Variants in MCTP1 observed in about 807,000 individuals in gnomAD.
MCTP1 encodes multiple C2 and transmembrane domain-containing protein 1.
A neutral mutation model predicts 120.6 loss-of-function variants in MCTP1; 69 were observed. That is an observed-to-expected ratio of 0.57 (90% confidence interval 0.47 to 0.70). The LOEUF (loss-of-function observed/expected upper bound fraction) is 0.70. Ranked by LOEUF, MCTP1 falls within the 30% of genes least tolerant of loss-of-function variation. MCTP1 has a pLI of 0.00. For missense variants in MCTP1, 1,203 were observed against 1,248.8 expected (o/e 0.96, Z 0.55); for synonymous variants, 529 against 493.1 (o/e 1.07, Z -0.96).
Position 95,096,260 on chromosome 5 carries a change from A to T in MCTP1, c.721-78776T>A, listed in dbSNP as rs528766480. Among the ~76,000 whole-genome samples the T allele has an allele frequency of 5.9e-5, 9 of 152,352 alleles. No individual in the cohort carries two copies. In the East Asian group the frequency reaches 1.5e-3, roughly 26 times the overall value. On this transcript the variant is annotated intron_variant, in intron 1 of 22. Transcript: ENST00000515393. The stretch of plus-strand genomic sequence containing the variant: ...GCATTTCAACAGCCTCCTTAAGAGG[A>T]TATTAATGACCCCATTATATTTGGT...
At chr5:94,923,448 T>A (rs1427286155) in intron 7 of MCTP1, among the ~76,000 whole-genome samples, 2 of 152,222 alleles carry the variant, frequency 1.3e-5, no homozygotes, top group African/African-American at 4.8e-5. Context: ...CTGTGAATCA[T>A]CATTTTGTCT....
rs561807810 is a variant in MCTP1, at chr5:95,137,542, A to G, written c.721-120058T>C. 2.0e-5 allele frequency among the ~76,000 whole-genome samples: 3 copies of G among 152,346 alleles called. No homozygotes were observed. The South Asian group carries it at 6.2e-4, about 32-fold the overall frequency. ...ATTTTGCCTCTCTTAAAGAGTTGAC[A>G]TCCTCTTATTTGCATGGACATTGAA... is the stretch of plus-strand genomic sequence containing the variant. On this transcript the variant is annotated intron_variant, in intron 1 of 22. Transcript: ENST00000515393.
At chr5:95,175,552 C>T (rs1747864494) in intron 1 of MCTP1, among the ~76,000 whole-genome samples, 1 of 152,174 alleles carries the variant, frequency 6.6e-6, no homozygotes, top group African/African-American at 2.4e-5. Context: ...GTAAATTCTC[C>T]TCCTACCACA....
intron 1 of MCTP1, among the ~76,000 whole-genome samples, chr5:95,138,641 C>T (rs1247803929): frequency 6.6e-6 from 1 of 152,210 alleles, no homozygotes; most frequent in East Asian, 1.9e-4. Context: ...ATGACCCCCT[C>T]ACAGAGACCA....
chr5:94,779,194 G>A, intron 18 of MCTP1, 31 bp from the exon 19 acceptor site: 1 of 1,590,932 alleles, frequency 6.3e-7, no homozygotes, highest in East Asian at 2.2e-5. Context: ...CGTTTTTTGT[G>A]CTCTTAAAGG....
intron 1 of MCTP1, chr5:95,068,857 G>T (rs920295413): frequency 8.2e-7 from 1 of 1,224,092 alleles, no homozygotes; most frequent in Non-Finnish European, 1.1e-6. Context: ...AAAATTTTAC[G>T]TAATATTGTA....
intron 1 of MCTP1, among the ~76,000 whole-genome samples, chr5:95,226,611 A>C (rs1754307976): frequency 6.6e-6 from 1 of 151,982 alleles, no homozygotes; most frequent in African/African-American, 2.4e-5. Flanking sequence ...TTAACTTGCC[A>C]ACTATGGAGG....
chr5:94,767,918 T>G (rs959009739), intron 19 of MCTP1, among the ~76,000 whole-genome samples: 1 of 152,158 alleles, frequency 6.6e-6, no homozygotes, highest in Admixed American at 6.6e-5. Flanking sequence ...AAAATTTGTA[T>G]GGAACTATAA....
intron 17 of MCTP1, among the ~76,000 whole-genome samples, chr5:94,799,475 G>T (rs1780750752): frequency 6.6e-6 from 1 of 152,112 alleles, no homozygotes; most frequent in African/African-American, 2.4e-5. Flanking sequence ...TACACTGTCA[G>T]AAATACCCTG....
intron 1 of MCTP1, among the ~76,000 whole-genome samples, chr5:95,255,702 A>G (rs1757813841): frequency 1.3e-5 from 2 of 152,186 alleles, no homozygotes; most frequent in Non-Finnish European, 2.9e-5. Flanking sequence ...TATTTTAAAC[A>G]GGAATATAGA....
intron 1 of MCTP1, among the ~76,000 whole-genome samples, chr5:95,238,212 T>C (rs1253309361): frequency 6.6e-6 from 1 of 152,172 alleles, no homozygotes; most frequent in Non-Finnish European, 1.5e-5. Context: ...CTCCACAGTT[T>C]CTTTCTCTGA....
intron 1 of MCTP1, among the ~76,000 whole-genome samples, chr5:95,056,415 G>A (rs1189247883): frequency 6.6e-6 from 1 of 152,078 alleles, no homozygotes; most frequent in Non-Finnish European, 1.5e-5. Context: ...TATTTCACAG[G>A]TTGCTTATCT....
chr5:94,977,128 G>C (rs536438982), intron 2 of MCTP1, among the ~76,000 whole-genome samples: 1 of 152,134 alleles, frequency 6.6e-6, no homozygotes, highest in East Asian at 1.9e-4. Context: ...TAACATTGCA[G>C]GATACAAAAT....
chr5:95,199,647 C>G (rs1038469777), intron 1 of MCTP1, among the ~76,000 whole-genome samples: 1 of 151,016 alleles, frequency 6.6e-6, no homozygotes, highest in Admixed American at 6.6e-5. Context: ...CACTTGAGGT[C>G]AGGGGGTCAA....
intron 12 of MCTP1, among the ~76,000 whole-genome samples, chr5:94,880,189 T>C (rs159029): frequency 0.18 from 27,324 of 152,110 alleles, 3,060 homozygotes; most frequent in Non-Finnish European, 0.25. Context: ...AGAAACTATA[T>C]GCAAGTGATT....
intron 2 of MCTP1, among the ~76,000 whole-genome samples, chr5:95,013,448 T>G (rs552340641): frequency 1.3e-5 from 2 of 152,242 alleles, no homozygotes; most frequent in East Asian, 3.9e-4. Context: ...AATGCGTGGC[T>G]TCAAAGCTTC....
At chr5:94,996,945 T>C (rs1466080357) in intron 2 of MCTP1, among the ~76,000 whole-genome samples, 1 of 152,174 alleles carries the variant, frequency 6.6e-6, no homozygotes, top group Non-Finnish European at 1.5e-5. Context: ...TGCTAAACTA[T>C]TTATTGTTTT....
chr5:94,944,619 A>C (rs539280147), intron 3 of MCTP1, among the ~76,000 whole-genome samples: 1 of 152,328 alleles, frequency 6.6e-6, no homozygotes, highest in South Asian at 2.1e-4. Flanking sequence ...AGACAGCCCA[A>C]CTGGGCGATT....
At chr5:94,826,542 T>C (rs1787108070) in intron 17 of MCTP1, 1 of 718,534 alleles carries the variant, frequency 1.4e-6, no homozygotes, top group Non-Finnish European at 2.6e-6. Flanking sequence ...GCTTCATTTT[T>C]TCATAGAAGC....
Sources: gnomAD v4.1 joint callset for allele counts (sites outside exome capture counted in the v4.1 genomes callset) on GRCh38, gnomAD v4.1.1 for gene constraint, MANE v1.5 for transcripts, NCBI Gene and HGNC (gene_info 2026-07-23, HGNC 2026-07-21) for gene names.